MGMT: variants seen among roughly 807,000 people sequenced by gnomAD.
The protein encoded by MGMT is O-6-methylguanine-DNA methyltransferase, also known as methylated-DNA--protein-cysteine methyltransferase.
In MGMT, 14 loss-of-function variants were observed where a neutral mutation model predicts 15.9. The ratio of observed to expected loss-of-function variants is 0.88; its 90% CI spans 0.58 to 1.37. The LOEUF (loss-of-function observed/expected upper bound fraction) is 1.37. Among genes scored for constraint, MGMT ranks in the 40% most tolerant of loss-of-function variants. The pLI, the probability that MGMT is intolerant of heterozygous loss-of-function variation, is 0.00. For missense variants in MGMT, 282 were observed against 268.1 expected (o/e 1.05, Z -0.36); for synonymous variants, 130 against 118.2 (o/e 1.10, Z -0.65).
chr10:129,488,755 A>G (rs771276454), intron 1 of MGMT, among the ~76,000 whole-genome samples: 34 of 152,136 alleles, frequency 2.2e-4, no homozygotes, highest in Non-Finnish European at 4.4e-4. Context: ...ATGGAGTGGA[A>G]GTTCAGTTCT....
chr10:129,657,910 G>A (rs1410621219), intron 2 of MGMT, among the ~76,000 whole-genome samples: 3 of 152,006 alleles, frequency 2.0e-5, no homozygotes, highest in African/African-American at 4.8e-5. Context: ...AGCCTGAACC[G>A]GCCCTTCCCT....
chr10:129,587,813 A>G (rs2133051710), intron 2 of MGMT, among the ~76,000 whole-genome samples: 1 of 152,088 alleles, frequency 6.6e-6, no homozygotes, highest in East Asian at 1.9e-4. Context: ...TGTTAATTCT[A>G]ACATCTTTGT....
intron 2 of MGMT, among the ~76,000 whole-genome samples, chr10:129,645,195 C>T (rs1023277622): frequency 1.0e-4 from 15 of 147,430 alleles, no homozygotes; most frequent in African/African-American, 3.8e-4. Context: ...TCTTGGCTCA[C>T]TGCAACCTCC....
chr10:129,580,143 T>C (rs1846534823), intron 2 of MGMT, among the ~76,000 whole-genome samples: 1 of 152,188 alleles, frequency 6.6e-6, no homozygotes, highest in Admixed American at 6.5e-5. Flanking sequence ...ATAGGGTGTG[T>C]TGCCGTCTCA....
intron 1 of MGMT, among the ~76,000 whole-genome samples, chr10:129,534,961 G>T (rs768286861): frequency 1.3e-5 from 2 of 152,160 alleles, no homozygotes; most frequent in African/African-American, 4.8e-5. Flanking sequence ...TGCCACTGTA[G>T]CACGGAAGCA....
chr10:129,585,202 G>A lies in MGMT; in HGVS notation c.125+48825G>A, dbSNP rs975709346. 2.0e-5 allele frequency among the ~76,000 whole-genome samples: 3 copies of A among 152,188 alleles called. 1 individual carries two copies. The stretch of plus-strand genomic sequence containing the variant: ...GAAAGATATCTTCTTGTGTAAAACG[G>A]GCAAATAATCAAGCTGGGAATGGTA... On this transcript the variant is annotated intron_variant, in intron 2 of 4. Transcript: ENST00000651593.
At chr10:129,467,532 C>T (rs1845182544) in intron 1 of MGMT, 5 of 726,978 alleles carry the variant, frequency 6.9e-6, no homozygotes, top group Non-Finnish European at 8.4e-6. Flanking sequence ...TGTGGACTGG[C>T]GTGTGGCGGG....
chr10:129,741,349 C>G (rs371053388), intron 3 of MGMT, among the ~76,000 whole-genome samples: 59 of 152,204 alleles, frequency 3.9e-4, no homozygotes, highest in African/African-American at 1.1e-3. Flanking sequence ...AACGGCAACA[C>G]CCGGGAGGCT....
At chr10:129,473,938 T>G (rs1295841584) in intron 1 of MGMT, among the ~76,000 whole-genome samples, 1 of 152,094 alleles carries the variant, frequency 6.6e-6, no homozygotes, top group Admixed American at 6.5e-5. Context: ...CCCGGGACTG[T>G]GCACACGCTT....
intron 3 of MGMT, among the ~76,000 whole-genome samples, chr10:129,720,316 T>A (rs186442642): frequency 2.0e-5 from 3 of 152,322 alleles, no homozygotes; most frequent in Non-Finnish European, 4.4e-5. Flanking sequence ...CGTGTGCCCA[T>A]GTAGGCTGCT....
intron 3 of MGMT, among the ~76,000 whole-genome samples, chr10:129,719,002 A>G (rs573859730): frequency 4.1e-5 from 6 of 147,852 alleles, no homozygotes; most frequent in Non-Finnish European, 7.4e-5. Context: ...CCGCTCAGGT[A>G]TGTCACCTTC....
At chr10:129,480,348 T>C (rs1448155768) in intron 1 of MGMT, among the ~76,000 whole-genome samples, 1 of 152,242 alleles carries the variant, frequency 6.6e-6, no homozygotes. Context: ...TTTTGCTCTC[T>C]ATGACGTTAA....
chr10:129,582,036 A>T lies in MGMT; in HGVS notation c.125+45659A>T, dbSNP rs190300274. Reference sequence around the variant, plus strand: ...CACGTGGGCCAGCCTCTGTGGGCGGACTGTCCCAGGTGGGTGGTGGTGAGG... The same window carrying T: ...CACGTGGGCCAGCCTCTGTGGGCGGTCTGTCCCAGGTGGGTGGTGGTGAGG... On this transcript the variant is annotated intron_variant, in intron 2 of 4. Transcript: ENST00000651593. 5.7e-4 allele frequency among the ~76,000 whole-genome samples: 87 copies of T among 152,250 alleles called. 1 individual carries two copies. The East Asian group carries it at 0.012, about 22-fold the overall frequency.
intron 3 of MGMT, among the ~76,000 whole-genome samples, chr10:129,751,602 T>A (rs557041030): frequency 6.6e-6 from 1 of 152,012 alleles, no homozygotes; most frequent in Admixed American, 6.5e-5. Context: ...AAGTTGGAAG[T>A]TTAGATTATT....
At chr10:129,549,645 T>A (rs1376794072) in intron 2 of MGMT, among the ~76,000 whole-genome samples, 1 of 152,202 alleles carries the variant, frequency 6.6e-6, no homozygotes, top group Non-Finnish European at 1.5e-5. Context: ...GCATGAAGCG[T>A]CATCTGTGTT....
chr10:129,643,569 C>A (rs1004480321), intron 2 of MGMT, among the ~76,000 whole-genome samples: 6 of 152,142 alleles, frequency 3.9e-5, no homozygotes, highest in African/African-American at 1.4e-4. Context: ...CGGGGCGGGA[C>A]AAGGACCCAC....
chr10:129,653,307 T>C (rs1182293272), intron 2 of MGMT, among the ~76,000 whole-genome samples: 2 of 152,218 alleles, frequency 1.3e-5, no homozygotes, highest in African/African-American at 4.8e-5. Flanking sequence ...CATCCCTAAG[T>C]CTCTGTCCTT....
Position 129,659,585 on chromosome 10 carries a change from T to C in MGMT, c.126-48310T>C, listed in dbSNP as rs1847572816. ...CGAGGCTACTGGCATTATTATTTAATGATGAGTTAGTGCAAATTGAGGGGT... is the reference window on the plus strand; with the variant it reads ...CGAGGCTACTGGCATTATTATTTAACGATGAGTTAGTGCAAATTGAGGGGT... On this transcript the variant is annotated intron_variant, in intron 2 of 4. Coordinates refer to ENST00000651593, the MANE Select transcript of MGMT (RefSeq NM_002412.5). This position sits in a 1 kb window ranked among gnomAD's most constrained non-coding sequence, Gnocchi z 4.1. Among the ~76,000 whole-genome samples, 3 of 152,132 alleles carry C rather than the reference T, an allele frequency of 2.0e-5. No individual in the cohort carries two copies. In the South Asian group the frequency reaches 6.2e-4, roughly 32 times the overall value.
intron 3 of MGMT, among the ~76,000 whole-genome samples, chr10:129,757,241 G>A (rs1369922440): frequency 6.6e-6 from 1 of 152,204 alleles, no homozygotes; most frequent in Non-Finnish European, 1.5e-5. Flanking sequence ...ACATATAATT[G>A]TTTTATTATA....
Sources: allele counts gnomAD v4.1 joint callset (sites outside exome capture counted in the v4.1 genomes callset), GRCh38; gene constraint gnomAD v4.1.1; non-coding constraint Gnocchi (gnomAD v3.1); transcripts MANE v1.5; gene names NCBI Gene and HGNC (gene_info 2026-07-23, HGNC 2026-07-21).